PLA2G4F: variants seen among roughly 807,000 people sequenced by gnomAD.
The protein encoded by PLA2G4F is phospholipase A2 group IVF.
In PLA2G4F, 105 loss-of-function variants were observed where a neutral mutation model predicts 103.1. The ratio of observed to expected loss-of-function variants is 1.02; its 90% CI spans 0.87 to 1.20. PLA2G4F has a LOEUF of 1.20. Ranked by LOEUF, PLA2G4F falls within the 50% of genes most tolerant of loss-of-function variation. The probability of loss-of-function intolerance (pLI) is 0.00; values close to 1 mark genes in which losing one functional copy is unlikely to be tolerated. For missense variants in PLA2G4F, 1,155 were observed against 1,075.9 expected (o/e 1.07, Z -1.03); for synonymous variants, 468 against 441.1 (o/e 1.06, Z -0.76).
rs1426768502 is a variant in PLA2G4F, at chr15:42,140,046, C to G, written c.*1938G>C. On this transcript the variant is annotated 3_prime_UTR_variant, in exon 20 of 20. Coordinates refer to ENST00000397272, the MANE Select transcript of PLA2G4F (RefSeq NM_213600.4). ...GCAACTTTTCATGTGTGTGTGTATG[C>G]CTTTTTCTTGGGAGAGGGTCTGTGG... The G allele has an allele frequency of 6.6e-6, 1 of 152,154 alleles. No homozygotes were observed. Among genetic ancestry groups the G allele is most frequent in the African/African-American group, 2.4e-5 (1 of 41,432 alleles). The allele number at this position is 152,154 out of a possible 1,614,324, so 9.4% of individuals were successfully genotyped here.
Position 42,150,491 on chromosome 15 carries a change from G to A in PLA2G4F, c.772-5C>T. The A allele has an allele frequency of 8.1e-6, 13 of 1,610,244 alleles. No homozygotes were observed. The highest frequency in any genetic ancestry group is 1.3e-5 in the African/African-American group (1 of 74,898). ...CAACTCTGCGCTGGGGCCACTCTGT[G>A]GAAAAGAAAACACCCAAGAAGCTCT... is the stretch of plus-strand genomic sequence containing the variant. On this transcript the variant is annotated splice_region_variant and splice_polypyrimidine_tract_variant and intron_variant, in intron 8 of 19. Coordinates refer to ENST00000397272, the MANE Select transcript of PLA2G4F (RefSeq NM_213600.4).
At chr15:42,155,232 C>T (rs908708868) in intron 2 of PLA2G4F, among the ~76,000 whole-genome samples, 6 of 152,010 alleles carry the variant, frequency 3.9e-5, no homozygotes, top group Admixed American at 1.3e-4. Context: ...CACACTTGCA[C>T]GCATGTATAT....
In PLA2G4F at chr15:42,139,672, G is replaced by A. The variant is rs1269995366; in HGVS notation, c.*2312C>T. 3.9e-5 allele frequency: 6 copies of A among 152,182 alleles called. No homozygotes were observed. Among genetic ancestry groups the A allele is most frequent in the Non-Finnish European group, 8.8e-5 (6 of 68,108 alleles). 9.4% of individuals were successfully genotyped at this position (152,182 alleles called of 1,614,324 possible). On this transcript the variant is annotated 3_prime_UTR_variant, in exon 20 of 20. Coordinates refer to ENST00000397272, the MANE Select transcript of PLA2G4F (RefSeq NM_213600.4). ...ACATTAAACTGGCTGGGTTACCTTC[G>A]GCCCCTCCCCTGGCTTCTTGCTCTG...
intron 16 of PLA2G4F, 46 bp from the exon 17 acceptor site, chr15:42,144,690 C>T (rs2048863303): frequency 6.7e-7 from 1 of 1,502,950 alleles, no homozygotes; most frequent in East Asian, 2.3e-5. Flanking sequence ...GTGGCATCCT[C>T]CTTTGCCCAG....
chr15:42,148,994 A>AGGCAGCCTGGAGGAAGCC (rs1200264115), intron 11 of PLA2G4F: 1 of 985,260 alleles, frequency 1.0e-6, no homozygotes, highest in Non-Finnish European at 1.2e-6. Flanking sequence ...CTGAGGACTC[A>AGGCAGCCTGGAGGAAGCC]GGCAGCCTGG....
Position 42,142,361 on chromosome 15 carries a change from G to A in PLA2G4F, c.2330-157C>T, listed in dbSNP as rs553185958. Among the ~76,000 whole-genome samples, 3 of 152,322 alleles carry A rather than the reference G, an allele frequency of 2.0e-5. No homozygotes were observed. The South Asian group carries it at 6.2e-4, about 32-fold the overall frequency. ...CTCTCAGACCCCCCAGGAGGGGCTG[G>A]CCCCATCTGAACGCTGAGACCCAGG... On this transcript the variant is annotated intron_variant, in intron 19 of 19. Transcript: ENST00000397272.
chr15:42,143,738 C>T (rs1353392918), intron 18 of PLA2G4F, among the ~76,000 whole-genome samples: 1 of 152,180 alleles, frequency 6.6e-6, no homozygotes, highest in African/African-American at 2.4e-5. Flanking sequence ...TCTTTGGCCT[C>T]CTCTTCCCAC....
Position 42,147,647 on chromosome 15 carries a change from C to A in PLA2G4F, c.1175G>T (p.Ser392Ile), listed in dbSNP as rs1469745801. Residue 392 changes from serine (S) to isoleucine (I), a missense_variant, in exon 12 of 20, where the codon AGT becomes ATT. Around this residue, in one of 3 missense-constraint regions of PLA2G4F, gnomAD observed 782 missense variants for 692.9 expected, o/e 1.13. Coordinates refer to ENST00000397272, the MANE Select transcript of PLA2G4F (RefSeq NM_213600.4). Reference protein sequence around the residue: ...LGLLDTVTYLSGVSGSTWCIS... With the variant: ...LGLLDTVTYLIGVSGSTWCIS... ...TTACCAGGTAGACCCAGAGACCCCA[C>A]TCAGGTAGGTCACAGTGTCTAGAAG... is the stretch of plus-strand genomic sequence containing the variant. 1 of 1,614,126 alleles carries A rather than the reference C, an allele frequency of 6.2e-7. No individual in the cohort carries two copies.
rs2048875509 is a variant in PLA2G4F, at chr15:42,145,695, G to T, written c.1673-13C>A. The T allele has an allele frequency of 6.2e-7, 1 of 1,613,706 alleles. No homozygotes were observed. Among genetic ancestry groups the T allele is most frequent in the South Asian group, 1.1e-5 (1 of 91,086 alleles). ...CTGCCCCACATACCTAAGGAGACAG[G>T]CAGGCCCCCACCCCACGTCAGGGCC... On this transcript the variant is annotated splice_polypyrimidine_tract_variant and intron_variant, in intron 15 of 19. Coordinates refer to ENST00000397272, the MANE Select transcript of PLA2G4F (RefSeq NM_213600.4).
At chr15:42,149,120 C>A in intron 11 of PLA2G4F, 1 of 985,406 alleles carries the variant, frequency 1.0e-6, no homozygotes, top group African/African-American at 1.7e-5. Flanking sequence ...CAGGGACCCC[C>A]CAACCTCCAC....
intron 7 of PLA2G4F, among the ~76,000 whole-genome samples, 197 bp downstream of exon 7, chr15:42,152,491 G>A (rs552134663): frequency 4.6e-5 from 7 of 152,348 alleles, no homozygotes; most frequent in African/African-American, 1.7e-4. Flanking sequence ...CAATAGTTGG[G>A]CGGATACAAC....
At chr15:42,148,637 A>C in intron 11 of PLA2G4F, 2 of 985,278 alleles carry the variant, frequency 2.0e-6, no homozygotes, top group Non-Finnish European at 2.4e-6. Context: ...ACCGAGCTAA[A>C]GTGACAAAGG....
In PLA2G4F at chr15:42,156,532, C is replaced by A. The variant is rs2049017658; in HGVS notation, c.18G>T (p.Trp6Cys). 6.4e-7 allele frequency: 1 copy of A among 1,552,034 alleles called. No homozygotes were observed. The highest frequency in any genetic ancestry group is 8.7e-7 in the Non-Finnish European group (1 of 1,147,182). Residue 6 changes from tryptophan (W) to cysteine (C), a missense_variant, in exon 1 of 20, where the codon TGG becomes TGT. Coordinates refer to ENST00000397272, the MANE Select transcript of PLA2G4F (RefSeq NM_213600.4). MLWAL[W>C]PRWLADKMLP... ...GCATCTTGTCTGCCAGCCACCTTGG[C>A]CAGAGTGCCCAAAGCATGGCTGGGC... is the stretch of plus-strand genomic sequence containing the variant.
Position 42,145,874 on chromosome 15 carries a change from CA to C in PLA2G4F, c.1563del (p.Gly522AlafsTer52). On this transcript the variant is annotated frameshift_variant, in exon 15 of 20. Coordinates refer to ENST00000397272, the MANE Select transcript of PLA2G4F (RefSeq NM_213600.4). LOFTEE classifies it high-confidence loss of function. ...ACATAAGCCCCGTACTTGGGGAAGC[CA>C]ACCTCATAGGGCGTGAACTCGCACC... is the stretch of plus-strand genomic sequence containing the variant. ...AEWCEFTPYE[V>X]GFPKYGAYVP... 6.2e-7 allele frequency: 1 copy of C among 1,614,044 alleles called. No individual in the cohort carries two copies. The highest frequency in any genetic ancestry group is 8.5e-7 in the Non-Finnish European group (1 of 1,180,020).
intron 10 of PLA2G4F, 42 bp from the exon 11 acceptor site, chr15:42,149,890 G>T (rs1269787238): frequency 6.2e-7 from 1 of 1,603,010 alleles, no homozygotes; most frequent in South Asian, 1.1e-5. Flanking sequence ...GGTTCTGGGT[G>T]ACTGTCCAGT....
rs1158026532 is a variant in PLA2G4F at position 42,147,762 on chromosome 15, C to A, written c.1060G>T (p.Val354Leu). 2 of 1,613,878 alleles carry A rather than the reference C, an allele frequency of 1.2e-6. No homozygotes were observed. Among genetic ancestry groups the A allele is most frequent in the Admixed American group, 1.7e-5 (1 of 60,024 alleles). Residue 354 changes from valine (V) to leucine (L), a missense_variant and splice_region_variant, in exon 12 of 20, where the codon GTG becomes TTG. This residue lies in a region of PLA2G4F where 782 missense variants were observed against 692.9 expected (regional missense o/e 1.13). Transcript: ENST00000397272. ...GAACCCAACACAGCCACTACAGGCACCTGGGTACAATAATAACAAGGATAA... is the reference window on the plus strand; with the variant it reads ...GAACCCAACACAGCCACTACAGGCAACTGGGTACAATAATAACAAGGATAA... The part of the protein sequence containing the change: ...GLSEALDSGQ[V>L]PVVAVLGSGG...
intron 5 of PLA2G4F, 95 bp from the exon 6 acceptor site, chr15:42,153,437 G>GA (rs1326243002): frequency 6.5e-7 from 1 of 1,530,388 alleles, no homozygotes; most frequent in Non-Finnish European, 9.0e-7. Context: ...CAGAGCATGA[G>GA]GAACACAGCA....
Position 42,142,572 on chromosome 15 carries a change from T to C in PLA2G4F, c.2285A>G (p.His762Arg). 1 of 1,613,920 alleles carries C rather than the reference T, an allele frequency of 6.2e-7. No individual in the cohort carries two copies. Among genetic ancestry groups the C allele is most frequent in the Non-Finnish European group, 8.5e-7 (1 of 1,179,958 alleles). Residue 762 changes from histidine to arginine, a missense_variant, in exon 19 of 20, where the codon CAC becomes CGC. His to Arg is a conservative substitution (Grantham distance 29). This residue lies in a region of PLA2G4F where 782 missense variants were observed against 692.9 expected (regional missense o/e 1.13). Transcript: ENST00000397272. ...AEDPRSPIVL[H>R]FPLVNRTFRT... is the part of the protein sequence containing the mutation. ...GAAGGTACGGTTAACCAGGGGGAAG[T>C]GCAGCACAATGGGGGAGCGGGGGTC...
chr15:42,153,748 G>A, intron 4 of PLA2G4F, 88 bp from the exon 5 acceptor site: 1 of 1,396,216 alleles, frequency 7.2e-7, no homozygotes, highest in Non-Finnish European at 1.0e-6. Flanking sequence ...CTTGGCTCCA[G>A]GGGCTAGAAG....
Sources: allele counts gnomAD v4.1 joint callset (sites outside exome capture counted in the v4.1 genomes callset), GRCh38; gene constraint gnomAD v4.1.1; regional missense constraint gnomAD v4.1.1; transcripts MANE v1.5; gene names NCBI Gene and HGNC (gene_info 2026-07-23, HGNC 2026-07-21).